PLCXD2: variants seen among roughly 807,000 people sequenced by gnomAD.
The protein encoded by PLCXD2 is phosphatidylinositol specific phospholipase C X domain containing 2.
A neutral mutation model predicts 28.6 loss-of-function variants in PLCXD2; 21 were observed. That is an observed-to-expected ratio of 0.73 (90% CI 0.52 to 1.06). The LOEUF (loss-of-function observed/expected upper bound fraction) is 1.06. Among genes scored for constraint, PLCXD2 ranks in the 50% least tolerant of loss-of-function variants. The probability of loss-of-function intolerance (pLI) is 0.00; values close to 1 mark genes in which losing one functional copy is unlikely to be tolerated. For missense variants in PLCXD2, 369 were observed against 376.7 expected, an observed-to-expected ratio of 0.98 and a Z score of 0.17; for synonymous variants, 140 against 150.1, an observed-to-expected ratio of 0.93 and a Z score of 0.49.
intron 1 of PLCXD2, among the ~76,000 whole-genome samples, chr3:111,688,572 AGC>A (rs1940829228): frequency 6.6e-6 from 1 of 152,208 alleles, no homozygotes; most frequent in Non-Finnish European, 1.5e-5. Flanking sequence ...TCAGAGGTTA[AGC>A]CCATGCCCAT....
chr3:111,710,708 A>G lies in PLCXD2; in HGVS notation c.624+2322A>G, dbSNP rs1483802142. ...TTGCTTTTATTAATGAGCCCCTATT[A>G]TCAGAAGATCTCAGAGAATTAGCAG... On this transcript the variant is annotated intron_variant, in intron 2 of 4. Coordinates refer to ENST00000477665, the MANE Select transcript of PLCXD2 (RefSeq NM_001185106.1). Among the ~76,000 whole-genome samples the G allele has an allele frequency of 3.3e-5, 5 of 152,318 alleles. No homozygotes were observed. The East Asian group carries it at 7.7e-4, about 24-fold the overall frequency.
intron 1 of PLCXD2, among the ~76,000 whole-genome samples, chr3:111,690,360 C>T (rs940603764): frequency 6.6e-6 from 1 of 152,100 alleles, no homozygotes; most frequent in Non-Finnish European, 1.5e-5. Context: ...CCTGTTCTGG[C>T]TGAACAAGTT....
chr3:111,708,495 G>A (rs1941153691), intron 2 of PLCXD2, 109 bp downstream of exon 2: 1 of 1,082,266 alleles, frequency 9.2e-7, no homozygotes, highest in Non-Finnish European at 1.3e-6. Context: ...AGGCTAAAGA[G>A]TGGATTGTTT....
At chr3:111,702,753 A>C (rs1441295504) in intron 1 of PLCXD2, among the ~76,000 whole-genome samples, 1 of 152,106 alleles carries the variant, frequency 6.6e-6, no homozygotes, top group Non-Finnish European at 1.5e-5. Flanking sequence ...TCCTCTTCTG[A>C]AGAAATGCTC....
intron 3 of PLCXD2, among the ~76,000 whole-genome samples, chr3:111,717,087 T>G (rs922359189): frequency 5.9e-5 from 9 of 152,160 alleles, no homozygotes; most frequent in Non-Finnish European, 1.2e-4. Flanking sequence ...ATGTGGTGTT[T>G]TGCTATGGTA....
intron 1 of PLCXD2, among the ~76,000 whole-genome samples, chr3:111,706,252 C>T (rs1467024418): frequency 6.6e-6 from 1 of 151,996 alleles, no homozygotes; most frequent in Non-Finnish European, 1.5e-5. Context: ...GTTTGAATTC[C>T]TTGTATATTC....
chr3:111,691,576 C>G (rs1453221321), intron 1 of PLCXD2: 1 of 152,250 alleles, frequency 6.6e-6, no homozygotes, highest in African/African-American at 2.4e-5. Context: ...AATTTTCCTG[C>G]ACTGGCAGGG....
At chr3:111,687,412 T>C (rs2107843912) in intron 1 of PLCXD2, among the ~76,000 whole-genome samples, 1 of 152,364 alleles carries the variant, frequency 6.6e-6, no homozygotes, top group Admixed American at 6.5e-5. Flanking sequence ...TTTGTTTTCT[T>C]AGACAAGTCT....
intron 3 of PLCXD2, chr3:111,723,690 G>C (rs907523426): frequency 6.6e-6 from 1 of 152,190 alleles, no homozygotes; most frequent in Non-Finnish European, 1.5e-5. Context: ...TAAAGGATGT[G>C]TGCCTTCTGC....
Position 111,708,203 on chromosome 3 carries a change from C to T in PLCXD2, c.441C>T (p.Asp147=), listed in dbSNP as rs2107862734. ...TCTGGGATGGGCTGATGGAAATTGACTCGTTTCTTACACAGCACCCCCAGG... is the reference window on the plus strand; with the variant it reads ...TCTGGGATGGGCTGATGGAAATTGATTCGTTTCTTACACAGCACCCCCAGG... Residue 147 remains aspartate (D), a synonymous_variant, in exon 2 of 5, where the codon GAC becomes GAT. Coordinates refer to ENST00000477665, the MANE Select transcript of PLCXD2 (RefSeq NM_001185106.1). 6.2e-7 allele frequency: 1 copy of T among 1,614,148 alleles called. No homozygotes were observed. Among genetic ancestry groups the T allele is most frequent in the African/African-American group, 1.3e-5 (1 of 75,022 alleles).
At chr3:111,705,214 G>A (rs760165301) in intron 1 of PLCXD2, among the ~76,000 whole-genome samples, 12 of 152,036 alleles carry the variant, frequency 7.9e-5, no homozygotes, top group Non-Finnish European at 1.5e-4. Context: ...CTATTTCTGT[G>A]AACTCCAAAA....
intron 1 of PLCXD2, among the ~76,000 whole-genome samples, chr3:111,690,243 G>A (rs923806353): frequency 6.6e-6 from 1 of 152,212 alleles, no homozygotes; most frequent in African/African-American, 2.4e-5. Context: ...TTTGTTGGTT[G>A]TAATAAAGGG....
chr3:111,685,716 G>T (rs1469520726), intron 1 of PLCXD2, among the ~76,000 whole-genome samples: 1 of 152,188 alleles, frequency 6.6e-6, no homozygotes, highest in Admixed American at 6.5e-5. Context: ...CTTGCAAGGG[G>T]TTACTTCACA....
At position 111,675,234 on chromosome 3, in the gene PLCXD2, T is replaced by C. The variant is rs1277158769; in HGVS notation, c.-12T>C. On this transcript the variant is annotated 5_prime_UTR_variant, in exon 1 of 5. Transcript: ENST00000477665. ...CACTGGGCTGAGACTGGCCAGTTTG[T>C]TAACAACAGGGATGCTAGCAGTTAG... The C allele has an allele frequency of 6.2e-7, 1 of 1,611,872 alleles. No individual in the cohort carries two copies. Among genetic ancestry groups the C allele is most frequent in the South Asian group, 1.1e-5 (1 of 90,988 alleles).
chr3:111,717,098 GCCCTAGCAAATCAATGCAGTC>G (rs1941277007), intron 3 of PLCXD2, among the ~76,000 whole-genome samples: 1 of 152,102 alleles, frequency 6.6e-6, no homozygotes. Flanking sequence ...TGCTATGGTA[GCCCTAGCAAATCAATGCAGTC>G]CCTGAGCAAC....
chr3:111,691,159 TATG>T (rs1245702349), intron 1 of PLCXD2, among the ~76,000 whole-genome samples: 1 of 152,180 alleles, frequency 6.6e-6, no homozygotes, highest in Non-Finnish European at 1.5e-5. Context: ...TTTTTGCAAA[TATG>T]ATGAGTTAAA....
At chr3:111,705,224 A>T (rs1166981275) in intron 1 of PLCXD2, among the ~76,000 whole-genome samples, 1 of 152,028 alleles carries the variant, frequency 6.6e-6, no homozygotes, top group Non-Finnish European at 1.5e-5. Flanking sequence ...GAACTCCAAA[A>T]GTTTTTTGAG....
intron 1 of PLCXD2, among the ~76,000 whole-genome samples, chr3:111,681,996 G>T (rs949593066): frequency 2.1e-4 from 32 of 152,338 alleles, no homozygotes; most frequent in Admixed American, 1.4e-3. Flanking sequence ...TTCAAACCAG[G>T]CCTGCAGAGG....
intron 1 of PLCXD2, among the ~76,000 whole-genome samples, chr3:111,705,386 C>A (rs1941102707): frequency 6.6e-6 from 1 of 152,050 alleles, no homozygotes; most frequent in East Asian, 1.9e-4. Context: ...TGTGTTTATA[C>A]CACATTTTTT....
Sources: allele counts gnomAD v4.1 joint callset (sites outside exome capture counted in the v4.1 genomes callset), GRCh38; gene constraint gnomAD v4.1.1; transcripts MANE v1.5; gene names NCBI Gene and HGNC (gene_info 2026-07-23, HGNC 2026-07-21).